The following GRAMD2B variants were observed in gnomAD, a reference collection of about 807,000 sequenced individuals.
The protein encoded by GRAMD2B is GRAM domain containing 2B.
GRAMD2B carries 41 observed loss-of-function variants against 59.2 expected under a neutral mutation model. The ratio of observed to expected loss-of-function variants is 0.69; its 90% CI spans 0.54 to 0.90. The LOEUF (loss-of-function observed/expected upper bound fraction) is 0.90. Ranked by LOEUF, GRAMD2B falls within the 40% of genes least tolerant of loss-of-function variation. The pLI is 0.00. For synonymous variants in GRAMD2B, 161 were observed against 182.7 expected (o/e 0.88, Z 0.96); for missense variants, 424 against 500.5 (o/e 0.85, Z 1.46).
intron 1 of GRAMD2B, among the ~76,000 whole-genome samples, chr5:126,395,856 T>C (rs1379747664): frequency 6.6e-6 from 1 of 152,182 alleles, no homozygotes. Context: ...ATAAGGTGTA[T>C]GATGTGATGT....
chr5:126,385,378 G>A (rs1464536198), intron 1 of GRAMD2B, among the ~76,000 whole-genome samples: 1 of 152,108 alleles, frequency 6.6e-6, no homozygotes, highest in Non-Finnish European at 1.5e-5. Context: ...GAGCAATATA[G>A]GCTTAAATTT....
rs531006292 is a variant in GRAMD2B at position 126,362,175 on chromosome 5, A to C, written c.128+1716A>C. ...TATGACCTGACTCACGTGTTAAAAG[A>C]TCCTATGAGCTCAATTCTGAAGACC... On this transcript the variant is annotated intron_variant, in intron 1 of 13. Coordinates refer to the GRAMD2B transcript ENST00000513040. 6.6e-5 allele frequency among the ~76,000 whole-genome samples: 10 copies of C among 152,286 alleles called. No individual in the cohort carries two copies. In the East Asian group the frequency reaches 1.7e-3, roughly 26 times the overall value.
At position 126,469,851 on chromosome 5, in the gene GRAMD2B, A is replaced by G. The variant is rs1317819294; in HGVS notation, c.315+63A>G. On this transcript the variant is annotated intron_variant, in intron 3 of 13. Coordinates refer to ENST00000285689, the MANE Select transcript of GRAMD2B (RefSeq NM_023927.4). ...GACAGGGCTACTGAAGCCAGTGACA[A>G]GAAGGAACCCAAGTATGCACCTTCC... 3 of 1,158,594 alleles carry G rather than the reference A, an allele frequency of 2.6e-6. No homozygotes were observed. The East Asian group carries it at 7.0e-5, about 27-fold the overall frequency. The allele number at this position is 1,158,594 out of a possible 1,614,324, so 71.8% of individuals were successfully genotyped here. A position where few individuals can be genotyped will look rare whatever the true frequency, so the allele number is the denominator to read the frequency against.
chr5:126,429,336 G>C (rs1464812629), intron 1 of GRAMD2B, among the ~76,000 whole-genome samples: 3 of 152,114 alleles, frequency 2.0e-5, no homozygotes, highest in African/African-American at 7.2e-5. Flanking sequence ...TAAATGATGA[G>C]AACACATGGA....
At chr5:126,407,945 A>T (rs1272935110) in intron 1 of GRAMD2B, among the ~76,000 whole-genome samples, 2 of 150,490 alleles carry the variant, frequency 1.3e-5, no homozygotes, top group Non-Finnish European at 3.0e-5. Context: ...GTATCTTTTT[A>T]TTTTTTTTTA....
intron 4 of GRAMD2B, 100 bp downstream of exon 4, chr5:126,472,404 AG>A (rs774996962): frequency 7.2e-5 from 60 of 829,004 alleles, no homozygotes; most frequent in Non-Finnish European, 1.1e-4. Context: ...TGAGTCACCA[AG>A]GGGATCAGGT....
rs1769781549 is a variant in GRAMD2B, at chr5:126,472,423, A to G, written c.382+119A>G. 16 of 707,734 alleles carry G rather than the reference A, an allele frequency of 2.3e-5. 1 individual carries two copies. The East Asian group carries it at 3.9e-4, about 17-fold the overall frequency. The allele number at this position is 707,734 out of a possible 1,614,324, so 43.8% of individuals were successfully genotyped here. On this transcript the variant is annotated intron_variant, in intron 4 of 13. Transcript: ENST00000285689. ...TCACCAAGGGGATCAGGTTTCTGAA[A>G]GTAATAACATAACAATAACACCAGC...
chr5:126,485,374 A>T (rs1030785564), intron 10 of GRAMD2B, among the ~76,000 whole-genome samples: 3 of 152,122 alleles, frequency 2.0e-5, no homozygotes, highest in Non-Finnish European at 4.4e-5. Flanking sequence ...AGTAAAACTC[A>T]AATTTCTTAT....
chr5:126,465,275 T>C lies in GRAMD2B; in HGVS notation c.84-151T>C, dbSNP rs536490520. On this transcript the variant is annotated intron_variant, in intron 1 of 13. Coordinates refer to ENST00000285689, the MANE Select transcript of GRAMD2B (RefSeq NM_023927.4). Reference sequence around the variant, plus strand: ...ACCAGGCAAGGGGTTAGAATGGAGATTGGGAAAGGGCCTCGCTGTCAAAGT... The same window carrying C: ...ACCAGGCAAGGGGTTAGAATGGAGACTGGGAAAGGGCCTCGCTGTCAAAGT... 1.8e-5 allele frequency: 26 copies of C among 1,480,478 alleles called. No homozygotes were observed. In the African/African-American group the frequency reaches 2.8e-4, roughly 16 times the overall value. 91.7% of individuals were successfully genotyped at this position (1,480,478 alleles called of 1,614,324 possible).
At chr5:126,394,721 G>C (rs1459508324) in intron 1 of GRAMD2B, among the ~76,000 whole-genome samples, 1 of 152,198 alleles carries the variant, frequency 6.6e-6, no homozygotes, top group Non-Finnish European at 1.5e-5. Context: ...GATTCTGATG[G>C]TGTGATTTCA....
upstream of GRAMD2B, among the ~76,000 whole-genome samples, chr5:126,422,857 C>G (rs960025075): frequency 6.6e-6 from 1 of 152,044 alleles, no homozygotes; most frequent in Non-Finnish European, 1.5e-5. Context: ...TTGATGAGAA[C>G]AGTCATAACC....
In GRAMD2B at chr5:126,473,280, T is replaced by C; in HGVS notation, c.398T>C (p.Leu133Pro). The C allele has an allele frequency of 1.4e-6, 2 of 1,440,450 alleles. No homozygotes were observed. Among genetic ancestry groups the C allele is most frequent in the South Asian group, 1.4e-5 (1 of 73,668 alleles). 89.2% of individuals were successfully genotyped at this position (1,440,450 alleles called of 1,614,324 possible). ...EPLKQSFTCA[L>P]QKEILYQGKL... ...ATTTTCCCAGGCTTTACCTGTGCTCTACAGAAAGAAATACTATACCAAGGA... is the reference window on the plus strand; with the variant it reads ...ATTTTCCCAGGCTTTACCTGTGCTCCACAGAAAGAAATACTATACCAAGGA... The change falls in exon 5 of 14, where the codon CTA becomes CCA. Residue 133 changes from leucine to proline, a missense_variant. Leu to Pro is a moderately conservative substitution (Grantham distance 98). Coordinates refer to ENST00000285689, the MANE Select transcript of GRAMD2B (RefSeq NM_023927.4).
intron 1 of GRAMD2B, among the ~76,000 whole-genome samples, chr5:126,460,643 C>A (rs945086994): frequency 2.0e-5 from 3 of 152,200 alleles, no homozygotes; most frequent in Non-Finnish European, 4.4e-5. Flanking sequence ...ATCTCTATAG[C>A]CCAACTCTTT....
intron 1 of GRAMD2B, among the ~76,000 whole-genome samples, chr5:126,366,094 G>A (rs540777185): frequency 2.8e-4 from 42 of 152,236 alleles, no homozygotes; most frequent in African/African-American, 9.9e-4. Context: ...CTCTGACAAG[G>A]GGATAACATA....
intron 1 of GRAMD2B, among the ~76,000 whole-genome samples, chr5:126,411,844 G>GTGTGTGTGTGTGTGTGTGTGTT (rs1758824321): frequency 6.6e-6 from 1 of 150,996 alleles, no homozygotes; most frequent in African/African-American, 2.4e-5. Flanking sequence ...TATTTCTGGT[G>GTGTGTGTGTGTGTGTGTGTGTT]TGTGTGTGTG....
intron 1 of GRAMD2B, among the ~76,000 whole-genome samples, chr5:126,408,832 C>T (rs1195566484): frequency 9.5e-6 from 1 of 105,552 alleles, no homozygotes; most frequent in African/African-American, 3.7e-5. Flanking sequence ...AATGCTATCC[C>T]TCCCCCCTCC....
chr5:126,389,587 T>A (rs1054860240), intron 1 of GRAMD2B, among the ~76,000 whole-genome samples: 1 of 152,236 alleles, frequency 6.6e-6, no homozygotes, highest in African/African-American at 2.4e-5. Context: ...AATAGAAAAC[T>A]GTGTGCTTAA....
At chr5:126,401,799 T>G (rs1757864168) in intron 1 of GRAMD2B, among the ~76,000 whole-genome samples, 1 of 152,076 alleles carries the variant, frequency 6.6e-6, no homozygotes, top group South Asian at 2.1e-4. Flanking sequence ...CACAGTGTTT[T>G]GGGTAGACAT....
rs1172279391 is a variant in GRAMD2B, at chr5:126,477,841, C to G, written c.582+54C>G. On this transcript the variant is annotated intron_variant, in intron 6 of 13. Transcript: ENST00000285689. Reference sequence around the variant, plus strand: ...TTGCTTTGTCCTCCTGCTCTGGGCTCTGCTGCCTAAGGGGTCTCTTGCCAA... The same window carrying G: ...TTGCTTTGTCCTCCTGCTCTGGGCTGTGCTGCCTAAGGGGTCTCTTGCCAA... The G allele has an allele frequency of 7.6e-6, 8 of 1,047,370 alleles. 1 individual carries two copies. The highest frequency in any genetic ancestry group is 4.7e-5 in the African/African-American group (3 of 63,844). The allele number at this position is 1,047,370 out of a possible 1,614,324, so 64.9% of individuals were successfully genotyped here.
Sources: gnomAD v4.1 joint callset for allele counts (sites outside exome capture counted in the v4.1 genomes callset) on GRCh38, gnomAD v4.1.1 for gene constraint, MANE v1.5 for transcripts, NCBI Gene and HGNC (gene_info 2026-07-23, HGNC 2026-07-21) for gene names.